Variants in PCDHGA3 observed in about 807,000 individuals in gnomAD.
PCDHGA3 encodes the protein protocadherin gamma subfamily A, 3.
A neutral mutation model predicts 58.5 loss-of-function variants in PCDHGA3; 40 were observed. The ratio of observed to expected loss-of-function variants is 0.68; its 90% CI spans 0.53 to 0.89. The LOEUF (loss-of-function observed/expected upper bound fraction) is 0.89. Among genes scored for constraint, PCDHGA3 ranks in the 40% least tolerant of loss-of-function variants. PCDHGA3 has a pLI of 0.00. For synonymous variants in PCDHGA3, 530 were observed against 525.7 expected (o/e 1.01, Z -0.11); for missense variants, 1,223 against 1,195.9 (o/e 1.02, Z -0.33).
intron 1 of PCDHGA3, chr5:141,411,907 G>A (rs2095522781): frequency 1.3e-5 from 2 of 152,156 alleles, no homozygotes; most frequent in Non-Finnish European, 2.9e-5. Flanking sequence ...TATTGCCTTT[G>A]CACTCAGTCT....
intron 1 of PCDHGA3, chr5:141,399,983 C>T (rs767278001): frequency 7.4e-6 from 12 of 1,612,374 alleles, no homozygotes; most frequent in Non-Finnish European, 1.0e-5. Context: ...GGGCTGCGCA[C>T]AGGAGAGGTG....
intron 1 of PCDHGA3, among the ~76,000 whole-genome samples, chr5:141,443,131 A>G (rs1042010214): frequency 7.2e-5 from 11 of 152,144 alleles, no homozygotes; most frequent in Non-Finnish European, 1.6e-4. Context: ...GATTAAGAAC[A>G]CTATCATAAG....
At chr5:141,497,479 G>A (rs1028715475) in intron 2 of PCDHGA3, among the ~76,000 whole-genome samples, 5 of 151,886 alleles carry the variant, frequency 3.3e-5, no homozygotes, top group Non-Finnish European at 7.4e-5. Flanking sequence ...GAGAAGGTGC[G>A]GAACCTCTCT....
intron 1 of PCDHGA3, chr5:141,402,902 G>GA: frequency 6.6e-7 from 1 of 1,522,022 alleles, no homozygotes; most frequent in Non-Finnish European, 8.8e-7. Flanking sequence ...AGAACCTGAT[G>GA]AAGCAGCGCG....
At chr5:141,425,987 G>A (rs1304785231) in intron 1 of PCDHGA3, among the ~76,000 whole-genome samples, 1 of 152,188 alleles carries the variant, frequency 6.6e-6, no homozygotes, top group Non-Finnish European at 1.5e-5. Flanking sequence ...GAATCCCATT[G>A]AATTAGCAAA....
intron 1 of PCDHGA3, chr5:141,492,005 C>A (rs1444993907): frequency 3.1e-6 from 2 of 642,268 alleles, no homozygotes; most frequent in African/African-American, 3.8e-5. Flanking sequence ...GGGCGATTTC[C>A]GCGGGTGTCG....
In PCDHGA3 at chr5:141,477,380, G is replaced by C; in HGVS notation, c.2425-17427G>C. The C allele has an allele frequency of 6.2e-7, 1 of 1,614,116 alleles. No homozygotes were observed. The highest frequency in any genetic ancestry group is 8.5e-7 in the Non-Finnish European group (1 of 1,180,028). On this transcript the variant is annotated intron_variant, in intron 1 of 3. Transcript: ENST00000253812. The surrounding 1 kb of genome is among the most constrained non-coding windows in gnomAD (Gnocchi z 4.9). ...AGACCTGGATCGGGAGACTGTGCCA[G>C]AATACAACCTCAGCATCACCGCCCG...
chr5:141,498,672 C>T (rs1034911993), intron 2 of PCDHGA3, among the ~76,000 whole-genome samples: 3 of 152,218 alleles, frequency 2.0e-5, no homozygotes, highest in South Asian at 4.1e-4. Context: ...TGGCTCACGC[C>T]TGTAATCCCA....
At position 141,370,934 on chromosome 5, in the gene PCDHGA3, G is replaced by C. The variant is rs757298448; in HGVS notation, c.2424+24477G>C. The C allele has an allele frequency of 1.2e-6, 2 of 1,613,980 alleles. No homozygotes were observed. Among genetic ancestry groups the C allele is most frequent in the South Asian group, 2.2e-5 (2 of 91,086 alleles). On this transcript the variant is annotated intron_variant, in intron 1 of 3. Coordinates refer to ENST00000253812, the MANE Select transcript of PCDHGA3 (RefSeq NM_018916.4). ...TCAGCCCTGATCCGCACTTCTCTTT[G>C]ATTCAGAAGGAGAACCTGGATGGCA... is the stretch of plus-strand genomic sequence containing the variant.
intron 1 of PCDHGA3, chr5:141,362,210 T>C (rs1343767561): frequency 1.2e-6 from 2 of 1,613,942 alleles, no homozygotes; most frequent in Non-Finnish European, 1.7e-6. Context: ...CAGTTTTACC[T>C]GGTTGTGGCC....
chr5:141,384,557 T>C (rs2150262452), intron 1 of PCDHGA3: 2 of 1,614,252 alleles, frequency 1.2e-6, no homozygotes, highest in Middle Eastern at 3.3e-4. Flanking sequence ...CTGTTCGTGC[T>C]GGACCAGAAT....
At chr5:141,380,374 C>CA (rs1392745416) in intron 1 of PCDHGA3, among the ~76,000 whole-genome samples, 1 of 151,910 alleles carries the variant, frequency 6.6e-6, no homozygotes, top group Non-Finnish European at 1.5e-5. Flanking sequence ...AAAAAAGTCC[C>CA]AAAAAAGAAA....
At chr5:141,397,978 C>G in intron 1 of PCDHGA3, 1 of 1,261,722 alleles carries the variant, frequency 7.9e-7, no homozygotes, top group Non-Finnish European at 1.1e-6. Flanking sequence ...CAGCGCCGGC[C>G]TTTACACCGC....
rs1272109802 is a variant in PCDHGA3 at position 141,403,110 on chromosome 5, C to G, written c.2424+56653C>G. The G allele has an allele frequency of 6.2e-7, 1 of 1,614,084 alleles. No individual in the cohort carries two copies. The highest frequency in any genetic ancestry group is 1.7e-5 in the Admixed American group (1 of 60,032). The stretch of plus-strand genomic sequence containing the variant: ...GTGGGCAACATCTCCAAGGACCTGG[C>G]TCTGGAGCCCCGGGAGCTGGCGGAG... On this transcript the variant is annotated intron_variant, in intron 1 of 3. Transcript: ENST00000253812.
chr5:141,507,661 C>T (rs1328943034), intron 3 of PCDHGA3, among the ~76,000 whole-genome samples: 1 of 152,236 alleles, frequency 6.6e-6, no homozygotes, highest in Non-Finnish European at 1.5e-5. Context: ...GCTTTTTAGC[C>T]TAAATCCAGA....
intron 1 of PCDHGA3, among the ~76,000 whole-genome samples, chr5:141,459,098 A>G (rs993134478): frequency 2.0e-5 from 3 of 152,206 alleles, no homozygotes; most frequent in African/African-American, 7.2e-5. Flanking sequence ...ATACAGTGCA[A>G]TGCATTTTGA....
chr5:141,374,336 G>A, intron 1 of PCDHGA3: 1 of 1,614,008 alleles, frequency 6.2e-7, no homozygotes, highest in Non-Finnish European at 8.5e-7. Context: ...CGGCAGCTTG[G>A]TCACCGCGGG....
intron 1 of PCDHGA3, among the ~76,000 whole-genome samples, chr5:141,445,248 T>C (rs1264046214): frequency 6.6e-6 from 1 of 152,224 alleles, no homozygotes; most frequent in African/African-American, 2.4e-5. Flanking sequence ...CACTATATTG[T>C]GTGAGAATAT....
chr5:141,473,626 G>A lies in PCDHGA3; in HGVS notation c.2425-21181G>A, dbSNP rs149882847. ...GCAAAGCAAAGGGAGGGAGGAAAAA[G>A]CAGCTTTCCTGGCAAAGGAACAATT... On this transcript the variant is annotated intron_variant, in intron 1 of 3. Transcript: ENST00000253812. Among the ~76,000 whole-genome samples, 1,234 of 152,276 alleles carry A rather than the reference G, an allele frequency of 8.1e-3. 14 individuals are homozygous for A. Among genetic ancestry groups the A allele is most frequent in the Non-Finnish European group, 0.011 (715 of 68,020 alleles).
Sources: gnomAD v4.1 joint callset for allele counts (sites outside exome capture counted in the v4.1 genomes callset) on GRCh38, gnomAD v4.1.1 for gene constraint, Gnocchi (gnomAD v3.1) non-coding constraint, MANE v1.5 for transcripts, NCBI Gene and HGNC (gene_info 2026-07-23, HGNC 2026-07-21) for gene names.